The following CYTIP variants were observed in gnomAD, a reference collection of about 807,000 sequenced individuals.
CYTIP encodes the protein cytohesin 1 interacting protein.
CYTIP carries 26 observed loss-of-function variants against 43.8 expected under a neutral mutation model. The observed-to-expected ratio is 0.59, with a 90% CI of 0.44 to 0.82. The LOEUF is 0.82. CYTIP is among the 40% of genes least tolerant of loss of function. The pLI, the probability that CYTIP is intolerant of heterozygous loss-of-function variation, is 0.00. For missense variants in CYTIP, 426 were observed against 443.1 expected, an observed-to-expected ratio of 0.96 and a Z score of 0.35; for synonymous variants, 162 against 162.9, an observed-to-expected ratio of 0.99 and a Z score of 0.04.
Position 157,423,064 on chromosome 2 carries a change from G to C in CYTIP, c.546+4287C>G, listed in dbSNP as rs984344619. Among the ~76,000 whole-genome samples, 3 of 151,970 alleles carry C rather than the reference G, an allele frequency of 2.0e-5. 1 individual carries two copies. The highest frequency in any genetic ancestry group is 4.1e-4 in the South Asian group (2 of 4,834). ...TGGTGTAGAAGGTATATTCCAAAAA[G>C]ATTGAGTTGATAGTTTTCCAAAGCT... is the stretch of plus-strand genomic sequence containing the variant. On this transcript the variant is annotated intron_variant, in intron 6 of 7. Transcript: ENST00000264192.
At chr2:157,434,162 C>T (rs1685756049) in intron 3 of CYTIP, 1 of 601,750 alleles carries the variant, frequency 1.7e-6, no homozygotes, top group South Asian at 2.0e-5. Context: ...CTGAGCATAT[C>T]GCAGAGGTTT....
chr2:157,415,797 G>A lies in CYTIP; in HGVS notation c.960C>T (p.Asn320=). ...SGSMSPLWEG[N]LSSMFGTLPR... ...GCAGGGTCCCAAACATGCTTGATAAGTTGCCCTCCCACAAGGGAGACATGG... is the reference window on the plus strand; with the variant it reads ...GCAGGGTCCCAAACATGCTTGATAAATTGCCCTCCCACAAGGGAGACATGG... Residue 320 remains asparagine, a synonymous_variant, in exon 8 of 8, where the codon AAC becomes AAT. Coordinates refer to ENST00000264192, the MANE Select transcript of CYTIP (RefSeq NM_004288.5). 7 of 1,614,220 alleles carry A rather than the reference G, an allele frequency of 4.3e-6. No homozygotes were observed. The highest frequency in any genetic ancestry group is 5.1e-6 in the Non-Finnish European group (6 of 1,180,032).
intron 5 of CYTIP, among the ~76,000 whole-genome samples, chr2:157,428,110 T>C (rs1027434065): frequency 6.6e-6 from 1 of 152,202 alleles, no homozygotes; most frequent in East Asian, 1.9e-4. Context: ...ACCACACACA[T>C]TTCTAAAAAT....
chr2:157,434,582 CT>C (rs2105143255), intron 2 of CYTIP, 115 bp downstream of exon 2: 1 of 824,464 alleles, frequency 1.2e-6, no homozygotes, highest in African/African-American at 2.1e-5. Flanking sequence ...GTGTGTGCGT[CT>C]GTGTGTGTGC....
chr2:157,423,533 A>G (rs987695962), intron 6 of CYTIP, among the ~76,000 whole-genome samples: 2 of 146,338 alleles, frequency 1.4e-5, no homozygotes, highest in African/African-American at 4.9e-5. Context: ...CATTAACAGT[A>G]TTCCCATCAA....
chr2:157,420,725 G>C (rs549658830), intron 6 of CYTIP, among the ~76,000 whole-genome samples: 48 of 150,544 alleles, frequency 3.2e-4, no homozygotes, highest in African/African-American at 1.1e-3. Context: ...GTAAATCTGT[G>C]GTTATATGAA....
At chr2:157,442,887 G>A (rs1020214846) in intron 1 of CYTIP, among the ~76,000 whole-genome samples, 7 of 151,976 alleles carry the variant, frequency 4.6e-5, no homozygotes, top group African/African-American at 9.7e-5. Flanking sequence ...CTTGCTCTAG[G>A]GCAATTCTAA....
At chr2:157,439,601 A>G (rs927174406) in intron 1 of CYTIP, among the ~76,000 whole-genome samples, 3 of 152,220 alleles carry the variant, frequency 2.0e-5, no homozygotes, top group African/African-American at 4.8e-5. Flanking sequence ...GCCAAAAATC[A>G]TGAATGAGGA....
At chr2:157,443,198 A>G (rs1442514360) in intron 1 of CYTIP, among the ~76,000 whole-genome samples, 1 of 152,178 alleles carries the variant, frequency 6.6e-6, no homozygotes, top group East Asian at 1.9e-4. Flanking sequence ...TTTAACCAAC[A>G]TAAGAACCCA....
intron 7 of CYTIP, among the ~76,000 whole-genome samples, 190 bp from the exon 8 acceptor site, chr2:157,416,333 T>G (rs1011102331): frequency 9.9e-5 from 15 of 152,238 alleles, no homozygotes; most frequent in African/African-American, 3.4e-4. Context: ...TAGGGTTTCC[T>G]GAACTATTGT....
At chr2:157,436,209 A>T (rs1685805044) in intron 1 of CYTIP, among the ~76,000 whole-genome samples, 1 of 152,208 alleles carries the variant, frequency 6.6e-6, no homozygotes. Flanking sequence ...ATTTATAAGC[A>T]CTAACTGTGG....
At chr2:157,435,628 C>T (rs11691128) in intron 1 of CYTIP, among the ~76,000 whole-genome samples, 13,573 of 151,954 alleles carry the variant, frequency 0.089, 1,069 homozygotes, top group African/African-American at 0.22. Context: ...TTTTTTTGGT[C>T]GGTTTGTTTC....
rs1306327009 is a variant in CYTIP, at chr2:157,430,654, T to C, written c.383-2A>G. 2 of 1,613,488 alleles carry C rather than the reference T, an allele frequency of 1.2e-6. No individual in the cohort carries two copies. Among genetic ancestry groups the C allele is most frequent in the African/African-American group, 2.7e-5 (2 of 74,908 alleles). On this transcript the variant is annotated splice_acceptor_variant, in intron 4 of 7. Transcript: ENST00000264192. LOFTEE classifies it high-confidence loss of function. ...CATTGATATTTGCAAGGACATCACC[T>C]GGGAGATGCCAAGAAAAATGAGTGT...
chr2:157,424,224 G>C (rs1208002281), intron 6 of CYTIP, among the ~76,000 whole-genome samples: 2 of 152,100 alleles, frequency 1.3e-5, no homozygotes, highest in African/African-American at 2.4e-5. Flanking sequence ...AGAGTTATTA[G>C]AATAGATATT....
chr2:157,428,811 C>A (rs1007390834), intron 5 of CYTIP, among the ~76,000 whole-genome samples: 1 of 152,190 alleles, frequency 6.6e-6, no homozygotes. Flanking sequence ...TTGTTACCAC[C>A]ACCATCTTTC....
At chr2:157,434,493 A>C in intron 2 of CYTIP, 69 bp from the exon 3 acceptor site, 1 of 1,228,546 alleles carries the variant, frequency 8.1e-7, no homozygotes, top group Non-Finnish European at 1.2e-6. Context: ...CAGATCTATC[A>C]TTAAAAATAA....
chr2:157,415,408 G>A lies in CYTIP; in HGVS notation c.*269C>T. ...AATAAATATTAGTTTTGCTTTCAAAGACATTACTGGAATGAGCAGGAACCT... is the reference window on the plus strand; with the variant it reads ...AATAAATATTAGTTTTGCTTTCAAAAACATTACTGGAATGAGCAGGAACCT... On this transcript the variant is annotated 3_prime_UTR_variant, in exon 8 of 8. Coordinates refer to ENST00000264192, the MANE Select transcript of CYTIP (RefSeq NM_004288.5). 3.2e-6 allele frequency: 1 copy of A among 311,898 alleles called. No individual in the cohort carries two copies. The highest frequency in any genetic ancestry group is 6.0e-6 in the Non-Finnish European group (1 of 166,820). 19.3% of individuals were successfully genotyped at this position (311,898 alleles called of 1,614,324 possible). A position where few individuals can be genotyped will look rare whatever the true frequency, so the allele number is the denominator to read the frequency against.
chr2:157,418,504 A>G lies in CYTIP; in HGVS notation c.613+19T>C, dbSNP rs770166816. 1 of 1,582,936 alleles carries G rather than the reference A, an allele frequency of 6.3e-7. No homozygotes were observed. The highest frequency in any genetic ancestry group is 1.2e-5 in the South Asian group (1 of 86,008). ...AGAAGTAATGTTAGTGTGGTTTCTG[A>G]ACAGGAAATTGCATTTACCATGAAG... is the stretch of plus-strand genomic sequence containing the variant. On this transcript the variant is annotated intron_variant, in intron 7 of 7. Coordinates refer to ENST00000264192, the MANE Select transcript of CYTIP (RefSeq NM_004288.5).
Position 157,415,861 on chromosome 2 carries a change from G to T in CYTIP, c.896C>A (p.Ser299Ter). The change falls in exon 8 of 8, where the codon TCA (serine) becomes TAA (stop). Residue 299 changes from serine (S) to a stop codon, truncating the protein, a stop_gained. Transcript: ENST00000264192. LOFTEE classifies it high-confidence loss of function. ...EGDDFLRRSSSRRNRSISNTS... is the reference protein window; with the variant it reads ...EGDDFLRRSS ...GTTACTGATGCTCCGGTTCCTCCTT[G>T]AAGATGACCTCCTCAGAAAATCATC... 6.2e-7 allele frequency: 1 copy of T among 1,614,162 alleles called. No individual in the cohort carries two copies. The highest frequency in any genetic ancestry group is 8.5e-7 in the Non-Finnish European group (1 of 1,180,022).
Sources: gnomAD v4.1 joint callset for allele counts (sites outside exome capture counted in the v4.1 genomes callset) on GRCh38, gnomAD v4.1.1 for gene constraint, MANE v1.5 for transcripts, NCBI Gene and HGNC (gene_info 2026-07-23, HGNC 2026-07-21) for gene names.